The following MECOM variants were observed in gnomAD, a reference collection of about 807,000 sequenced individuals.
MECOM encodes histone-lysine N-methyltransferase MECOM.
In MECOM, 13 loss-of-function variants were observed where a neutral mutation model predicts 116.3. That is an observed-to-expected ratio of 0.11 (90% CI 0.07 to 0.18). The LOEUF (loss-of-function observed/expected upper bound fraction) is 0.18. MECOM is among the 10% of genes least tolerant of loss of function. The probability of loss-of-function intolerance (pLI) is 1.00; values close to 1 mark genes in which losing one functional copy is unlikely to be tolerated. For synonymous variants in MECOM, 528 were observed against 535.2 expected (o/e 0.99, Z 0.19); for missense variants, 1,299 against 1,509.0 (o/e 0.86, Z 2.31).
At chr3:169,353,005 C>T (rs1183033756) in intron 2 of MECOM, among the ~76,000 whole-genome samples, 1 of 151,884 alleles carries the variant, frequency 6.6e-6, no homozygotes, top group Non-Finnish European at 1.5e-5. Flanking sequence ...AGAGCCTCTC[C>T]CCAAAAGGGA....
chr3:169,203,106 AG>A (rs1286121044), intron 2 of MECOM, among the ~76,000 whole-genome samples: 6 of 152,302 alleles, frequency 3.9e-5, no homozygotes, highest in African/African-American at 1.4e-4. Flanking sequence ...AGCATGGTCA[AG>A]GTGAGCCTAT....
chr3:169,095,334 C>A, intron 12 of MECOM, 89 bp from the exon 13 acceptor site: 1 of 1,089,634 alleles, frequency 9.2e-7, no homozygotes, highest in East Asian at 2.6e-5. Flanking sequence ...ATCATCTCCA[C>A]TCATAAAACA....
chr3:169,123,717 T>C (rs371814802), intron 5 of MECOM, among the ~76,000 whole-genome samples: 27 of 152,208 alleles, frequency 1.8e-4, no homozygotes, highest in East Asian at 1.4e-3. Context: ...AAGATGGCCC[T>C]TGAACATCTT....
intron 2 of MECOM, among the ~76,000 whole-genome samples, chr3:169,207,550 T>C (rs760388948): frequency 6.6e-6 from 1 of 152,176 alleles, no homozygotes; most frequent in Non-Finnish European, 1.5e-5. Flanking sequence ...GGTTTAAAGA[T>C]CTAATTTTCT....
At chr3:169,607,680 C>T (rs538603874) in intron 1 of MECOM, among the ~76,000 whole-genome samples, 36 of 152,326 alleles carry the variant, frequency 2.4e-4, no homozygotes, top group African/African-American at 7.2e-4. Flanking sequence ...GTGATGTGTG[C>T]ACACACGTAC....
rs531107285 is a variant in MECOM at position 169,191,313 on chromosome 3, C to T, written c.376-47481G>A. ...TGGTGGGTGCAGAAATATAAACAAGCACATTCAGGACTATAGGAGTAAAGA... is the reference window on the plus strand; with the variant it reads ...TGGTGGGTGCAGAAATATAAACAAGTACATTCAGGACTATAGGAGTAAAGA... On this transcript the variant is annotated intron_variant, in intron 2 of 16. Transcript: ENST00000651503. 2.0e-5 allele frequency among the ~76,000 whole-genome samples: 3 copies of T among 151,980 alleles called. No individual in the cohort carries two copies. The East Asian group carries it at 5.8e-4, about 29-fold the overall frequency.
At chr3:169,198,231 A>G (rs76915299) in intron 2 of MECOM, among the ~76,000 whole-genome samples, 2,146 of 152,186 alleles carry the variant, frequency 0.014, 34 homozygotes, top group Non-Finnish European at 0.021. Context: ...AAATGGTTCA[A>G]TGTCTTATAT....
intron 2 of MECOM, among the ~76,000 whole-genome samples, chr3:169,238,190 A>AG (rs1754347008): frequency 6.6e-6 from 1 of 151,230 alleles, no homozygotes; most frequent in Non-Finnish European, 1.5e-5. Flanking sequence ...AAAAAAAAAA[A>AG]GAAAAAAGAA....
At chr3:169,389,957 G>A (rs533861162) in intron 1 of MECOM, among the ~76,000 whole-genome samples, 3 of 152,152 alleles carry the variant, frequency 2.0e-5, no homozygotes, top group Non-Finnish European at 4.4e-5. Flanking sequence ...AAGGTATAGA[G>A]AATATTTTAC....
intron 3 of MECOM, among the ~76,000 whole-genome samples, chr3:169,132,408 T>C (rs768207445): frequency 2.2e-4 from 34 of 152,210 alleles, no homozygotes; most frequent in Non-Finnish European, 4.6e-4. Flanking sequence ...TTTTTTGTTT[T>C]TTGGTTTTTG....
At chr3:169,474,724 G>T (rs1335125014) in intron 1 of MECOM, among the ~76,000 whole-genome samples, 2 of 152,080 alleles carry the variant, frequency 1.3e-5, no homozygotes, top group African/African-American at 4.8e-5. Context: ...AGTTTTTTAT[G>T]CTCTCTGAAA....
At chr3:169,658,579 C>T (rs1384267060) in intron 1 of MECOM, among the ~76,000 whole-genome samples, 1 of 152,226 alleles carries the variant, frequency 6.6e-6, no homozygotes, top group Non-Finnish European at 1.5e-5. Context: ...TCTGGCCAAA[C>T]CTTGGAGCCC....
chr3:169,206,752 TAAA>T (rs71634427), intron 2 of MECOM, among the ~76,000 whole-genome samples: 2 of 128,002 alleles, frequency 1.6e-5, no homozygotes, highest in Admixed American at 8.0e-5. Context: ...GACTTCCTCT[TAAA>T]AAAAAAAAAA....
chr3:169,168,167 A>T (rs1235473886), intron 2 of MECOM, among the ~76,000 whole-genome samples: 1 of 152,064 alleles, frequency 6.6e-6, no homozygotes, highest in Non-Finnish European at 1.5e-5. Flanking sequence ...AGATAATGCC[A>T]ATAGTTTTTT....
At chr3:169,552,712 C>G (rs1008299036) in intron 1 of MECOM, among the ~76,000 whole-genome samples, 2 of 151,882 alleles carry the variant, frequency 1.3e-5, no homozygotes, top group Admixed American at 6.6e-5. Flanking sequence ...AGAAAGAGTG[C>G]TGGGTGAGTC....
chr3:169,302,275 CA>C (rs1396568804), intron 2 of MECOM, among the ~76,000 whole-genome samples: 1 of 152,150 alleles, frequency 6.6e-6, no homozygotes. Flanking sequence ...ATCAGTGATT[CA>C]AGGTAGAGCT....
intron 10 of MECOM, among the ~76,000 whole-genome samples, chr3:169,102,501 G>A (rs1407262109): frequency 6.6e-6 from 1 of 152,100 alleles, no homozygotes; most frequent in African/African-American, 2.4e-5. Flanking sequence ...ATTGAACATT[G>A]AAATACATAA....
intron 1 of MECOM, among the ~76,000 whole-genome samples, chr3:169,400,811 C>G (rs192885854): frequency 6.6e-6 from 1 of 152,184 alleles, no homozygotes; most frequent in Non-Finnish European, 1.5e-5. Context: ...TGGGTTAATT[C>G]TCAGCATCCT....
chr3:169,594,535 C>T (rs1577036675), intron 1 of MECOM, among the ~76,000 whole-genome samples: 1 of 152,010 alleles, frequency 6.6e-6, no homozygotes, highest in South Asian at 2.1e-4. Flanking sequence ...GATTCCGATA[C>T]AGGCTACAGT....
Sources: gnomAD v4.1 joint callset for allele counts (sites outside exome capture counted in the v4.1 genomes callset) on GRCh38, gnomAD v4.1.1 for gene constraint, MANE v1.5 for transcripts, NCBI Gene and HGNC (gene_info 2026-07-23, HGNC 2026-07-21) for gene names.